C8orf34: variants seen among roughly 807,000 people sequenced by gnomAD.
C8orf34 encodes the protein chromosome 8 open reading frame 34.
C8orf34 carries 65 observed loss-of-function variants against 68.3 expected under a neutral mutation model. That is an observed-to-expected ratio of 0.95 (90% CI 0.78 to 1.17). The LOEUF (loss-of-function observed/expected upper bound fraction) is 1.17. Among genes scored for constraint, C8orf34 ranks in the 50% most tolerant of loss-of-function variants. The pLI is 0.00. For missense variants in C8orf34, 664 were observed against 655.4 expected, an observed-to-expected ratio of 1.01 and a Z score of -0.14; for synonymous variants, 244 against 241.2, an observed-to-expected ratio of 1.01 and a Z score of -0.11.
chr8:68,798,476 G>T (rs1028391209), intron 12 of C8orf34, among the ~76,000 whole-genome samples: 2 of 151,688 alleles, frequency 1.3e-5, no homozygotes, highest in Non-Finnish European at 2.9e-5. Flanking sequence ...AAAGTTCAGG[G>T]CATCTAAACT....
At chr8:68,766,269 G>C (rs1823172521) in intron 10 of C8orf34, among the ~76,000 whole-genome samples, 1 of 152,120 alleles carries the variant, frequency 6.6e-6, no homozygotes, top group African/African-American at 2.4e-5. Context: ...TCAGGAGGTT[G>C]GTCACCTTAG....
rs755651668 is a variant in C8orf34, at chr8:68,787,465, A to G, written c.1478A>G (p.Gln493Arg). ...CAGGATGAATCCTTAAAGCAATTGC[A>G]GGTAGTTCATCAACCATGGATCTTG... ...MEEDESLKQL[Q>R]VVHQPWILPS... Residue 493 changes from glutamine (Q) to arginine (R), a missense_variant, in exon 12 of 14, where the codon CAG becomes CGG. Physicochemically the swap from Gln to Arg is conservative, Grantham distance 43. Transcript: ENST00000518698. The G allele has an allele frequency of 5.6e-6, 9 of 1,612,020 alleles. No individual in the cohort carries two copies. The East Asian group carries it at 2.0e-4, about 36-fold the overall frequency.
chr8:68,533,675 T>C, intron 7 of C8orf34: 1 of 967,436 alleles, frequency 1.0e-6, no homozygotes, highest in Non-Finnish European at 1.2e-6. Flanking sequence ...GGCCTGTTAC[T>C]TTCATGAAAC....
At chr8:68,793,984 G>A (rs754488094) in intron 12 of C8orf34, among the ~76,000 whole-genome samples, 1 of 152,116 alleles carries the variant, frequency 6.6e-6, no homozygotes, top group Non-Finnish European at 1.5e-5. Flanking sequence ...AATAAATGGT[G>A]ATGTGAAAGT....
At chr8:68,523,254 T>C (rs1050859550) in intron 6 of C8orf34, among the ~76,000 whole-genome samples, 1 of 152,222 alleles carries the variant, frequency 6.6e-6, no homozygotes, top group Non-Finnish European at 1.5e-5. Context: ...CTTTTATCTT[T>C]ATTCATTGGT....
At chr8:68,768,564 G>C (rs955794759) in intron 10 of C8orf34, among the ~76,000 whole-genome samples, 1 of 152,034 alleles carries the variant, frequency 6.6e-6, no homozygotes, top group Middle Eastern at 3.2e-3. Context: ...TCAATGAAAA[G>C]TGACTCTAGA....
intron 1 of C8orf34, among the ~76,000 whole-genome samples, chr8:68,425,315 T>C (rs1810162442): frequency 6.6e-6 from 1 of 152,158 alleles, no homozygotes; most frequent in African/African-American, 2.4e-5. Context: ...ATAGAAGGCA[T>C]ACAGATTTGA....
At chr8:68,808,880 G>A (rs1190886506) in intron 12 of C8orf34, among the ~76,000 whole-genome samples, 1 of 152,000 alleles carries the variant, frequency 6.6e-6, no homozygotes, top group Non-Finnish European at 1.5e-5. Context: ...TGTAATTATT[G>A]ACATAATATT....
chr8:68,534,981 T>C lies in C8orf34; in HGVS notation c.1105+1832T>C. ...TTAATAATAAGAGATAGTTGAAGGT[T>C]TGGACTTTCTTCATGTAATTCCACA... On this transcript the variant is annotated intron_variant, in intron 7 of 13. Transcript: ENST00000518698. 9.1e-6 allele frequency: 9 copies of C among 985,410 alleles called. No individual in the cohort carries two copies. In the South Asian group the frequency reaches 3.8e-4, roughly 41 times the overall value. The allele number at this position is 985,410 out of a possible 1,614,324, so 61.0% of individuals were successfully genotyped here.
At chr8:68,621,418 C>A (rs1298277071) in intron 7 of C8orf34, among the ~76,000 whole-genome samples, 1 of 152,146 alleles carries the variant, frequency 6.6e-6, no homozygotes, top group African/African-American at 2.4e-5. Context: ...AGCATCAATA[C>A]AACATAGCTG....
chr8:68,787,536 C>A lies in C8orf34; in HGVS notation c.1549C>A (p.Arg517Ser). 3.8e-6 allele frequency: 6 copies of A among 1,594,238 alleles called. No individual in the cohort carries two copies. The highest frequency in any genetic ancestry group is 5.1e-6 in the Non-Finnish European group (6 of 1,166,340). Residue 517 changes from arginine to serine, a missense_variant and splice_region_variant, in exon 12 of 14, where the codon CGT becomes AGT. Coordinates refer to ENST00000518698, the MANE Select transcript of C8orf34 (RefSeq NM_052958.4). The part of the protein sequence containing the change: ...SEGVEAEQEK[R>S]SADLLLCVPC... ...AGGAGTGGAAGCAGAACAAGAGAAA[C>A]GTGAGTAGACACTATTGTTTATTGA...
At chr8:68,730,553 T>C (rs1381299238) in intron 10 of C8orf34, among the ~76,000 whole-genome samples, 1 of 152,122 alleles carries the variant, frequency 6.6e-6, no homozygotes. Flanking sequence ...AAAACATCTA[T>C]GAGTTTGAAA....
At chr8:68,330,773 A>G, upstream of C8orf34, 1 of 419,404 alleles carries the variant, frequency 2.4e-6, no homozygotes, top group Non-Finnish European at 4.2e-6. Context: ...GAAAGGAGGT[A>G]CACACAGTCG....
intron 7 of C8orf34, among the ~76,000 whole-genome samples, chr8:68,595,841 G>A (rs1817533628): frequency 6.6e-6 from 1 of 152,122 alleles, no homozygotes; most frequent in Middle Eastern, 3.4e-3. Flanking sequence ...AGAATGTGAG[G>A]TGATTTTTTT....
intron 10 of C8orf34, among the ~76,000 whole-genome samples, chr8:68,732,315 A>G (rs1822000864): frequency 6.6e-6 from 1 of 152,238 alleles, no homozygotes; most frequent in South Asian, 2.1e-4. Flanking sequence ...TTATTTCATC[A>G]TATTGATAAA....
chr8:68,809,144 G>A (rs1184182630), intron 12 of C8orf34, among the ~76,000 whole-genome samples: 4 of 152,124 alleles, frequency 2.6e-5, no homozygotes, highest in Non-Finnish European at 5.9e-5. Flanking sequence ...TGCATCTACA[G>A]TTGCCCAATT....
intron 10 of C8orf34, among the ~76,000 whole-genome samples, chr8:68,774,350 A>ATATATATATATATATATAT (rs1563661802): frequency 2.9e-4 from 32 of 109,502 alleles, no homozygotes; most frequent in Middle Eastern, 4.9e-3. Context: ...TATATATATA[A>ATATATATATATATATATAT]AATAAACAAA....
intron 12 of C8orf34, among the ~76,000 whole-genome samples, chr8:68,794,876 C>A (rs1483759830): frequency 6.6e-6 from 1 of 151,994 alleles, no homozygotes; most frequent in Non-Finnish European, 1.5e-5. Context: ...CTTTGTACGT[C>A]ATGTCAATGC....
intron 10 of C8orf34, among the ~76,000 whole-genome samples, chr8:68,756,115 T>C (rs1311904326): frequency 6.7e-6 from 1 of 149,120 alleles, no homozygotes; most frequent in African/African-American, 2.5e-5. Flanking sequence ...GACTCCCAAA[T>C]GTAGATGGAC....
Sources: gnomAD v4.1 joint callset for allele counts (sites outside exome capture counted in the v4.1 genomes callset) on GRCh38, gnomAD v4.1.1 for gene constraint, MANE v1.5 for transcripts, NCBI Gene and HGNC (gene_info 2026-07-23, HGNC 2026-07-21) for gene names.